ART1: variants seen among roughly 807,000 people sequenced by gnomAD.
ART1 encodes the protein ADP-ribosyltransferase 1.
A neutral mutation model predicts 27.0 loss-of-function variants in ART1; 29 were observed. The ratio of observed to expected loss-of-function variants is 1.08; its 90% confidence interval spans 0.80 to 1.47. The LOEUF (loss-of-function observed/expected upper bound fraction) is 1.47, where lower values mean the gene tolerates loss of function less well. Ranked by LOEUF, ART1 falls within the 40% of genes most tolerant of loss-of-function variation. The probability of loss-of-function intolerance (pLI) is 0.00; values close to 1 mark genes in which losing one functional copy is unlikely to be tolerated. For missense variants in ART1, 480 were observed against 423.0 expected (o/e 1.13, Z -1.18); for synonymous variants, 201 against 172.2 (o/e 1.17, Z -1.31).
chr11:3,655,781 G>T (rs2077569740), intron 1 of ART1: 1 of 152,108 alleles, frequency 6.6e-6, no homozygotes, highest in South Asian at 2.1e-4. Flanking sequence ...CCAGTCCTGG[G>T]GCATGTGTTC....
intron 1 of ART1, among the ~76,000 whole-genome samples, chr11:3,649,131 C>T (rs1405994717): frequency 2.6e-5 from 4 of 152,118 alleles, no homozygotes; most frequent in African/African-American, 7.2e-5. Context: ...TCTCTACTCT[C>T]TCTTTTCTCT....
chr11:3,653,117 C>A (rs2077539226), intron 1 of ART1, among the ~76,000 whole-genome samples: 1 of 148,298 alleles, frequency 6.7e-6, no homozygotes, highest in Admixed American at 6.6e-5. Context: ...TCAAAGCAGC[C>A]CTGAGAAACA....
At chr11:3,658,771 T>C (rs2077594069) in intron 1 of ART1, among the ~76,000 whole-genome samples, 1 of 152,166 alleles carries the variant, frequency 6.6e-6, no homozygotes, top group Admixed American at 6.6e-5. Context: ...TGTCAAGTCC[T>C]TTCATGACTG....
chr11:3,648,269 A>G (rs560456407), intron 1 of ART1, among the ~76,000 whole-genome samples: 39 of 152,270 alleles, frequency 2.6e-4, no homozygotes, highest in African/African-American at 8.7e-4. Flanking sequence ...TGCTCACACA[A>G]AGCCTGTTTG....
chr11:3,656,631 C>T (rs553321944), intron 1 of ART1, among the ~76,000 whole-genome samples: 39 of 152,240 alleles, frequency 2.6e-4, no homozygotes, highest in Middle Eastern at 6.8e-3. Context: ...ATCCGCCCAC[C>T]TCAGCCTCCC....
rs1324116960 is a variant in ART1 at position 3,664,179 on chromosome 11, G to C, written c.974G>C (p.Gly325Ala). ...GTGAGGGCCTTTCCAGATGGTCCAG[G>C]CCTCCTTTGATGCATGAGACACGGG... is the stretch of plus-strand genomic sequence containing the variant. ...LVVRAFPDGP[G>A]LL is the part of the protein sequence containing the mutation. The change falls in exon 5 of 5, where the codon GGC becomes GCC. Residue 325 changes from glycine to alanine, a missense_variant. By Grantham distance (60) the Gly-to-Ala change is moderately conservative (BLOSUM62 0). Transcript: ENST00000250693. The C allele has an allele frequency of 6.2e-7, 1 of 1,613,732 alleles. No homozygotes were observed. Among genetic ancestry groups the C allele is most frequent in the South Asian group, 1.1e-5 (1 of 91,072 alleles).
intron 1 of ART1, among the ~76,000 whole-genome samples, chr11:3,645,974 G>A (rs1434729168): frequency 7.9e-5 from 12 of 152,160 alleles, no homozygotes; most frequent in Non-Finnish European, 7.4e-5. Context: ...GGAGTGGCAG[G>A]TGCGAGCCTG....
At position 3,646,068 on chromosome 11, in the gene ART1, T is replaced by G. The variant is rs553828508; in HGVS notation, c.-53+889T>G. ...ATGTTTTGTTTGTTTGTTTTGTTTTTTTTTTCTAGATGTGTTTGTATCTCT... is the reference window on the plus strand; with the variant it reads ...ATGTTTTGTTTGTTTGTTTTGTTTTGTTTTTCTAGATGTGTTTGTATCTCT... On this transcript the variant is annotated intron_variant, in intron 1 of 4. Coordinates refer to ENST00000250693, the MANE Select transcript of ART1 (RefSeq NM_004314.3). Among the ~76,000 whole-genome samples, 504 of 152,176 alleles carry G rather than the reference T, an allele frequency of 3.3e-3. 3 individuals are homozygous for G. The highest frequency in any genetic ancestry group is 0.011 in the African/African-American group (437 of 41,528).
At position 3,661,422 on chromosome 11, in the gene ART1, T is replaced by G; in HGVS notation, c.886+9T>G. 6.2e-7 allele frequency: 1 copy of G among 1,608,200 alleles called. No homozygotes were observed. The highest frequency in any genetic ancestry group is 8.5e-7 in the Non-Finnish European group (1 of 1,177,574). On this transcript the variant is annotated intron_variant, in intron 4 of 4. Coordinates refer to ENST00000250693, the MANE Select transcript of ART1 (RefSeq NM_004314.3). ...CCATCTGGATAATTCAGGTAAGGGC[T>G]GCAGGCACCTGTGGGACTCAGTTCA...
At chr11:3,651,190 A>C (rs2077519254) in intron 1 of ART1, among the ~76,000 whole-genome samples, 1 of 143,994 alleles carries the variant, frequency 6.9e-6, no homozygotes, top group Non-Finnish European at 1.5e-5. Flanking sequence ...TGGGTCTCAA[A>C]CATGCTTTCT....
chr11:3,648,736 C>T (rs2077489569), intron 1 of ART1, among the ~76,000 whole-genome samples: 1 of 152,210 alleles, frequency 6.6e-6, no homozygotes, highest in Non-Finnish European at 1.5e-5. Flanking sequence ...GCAGGGACGC[C>T]TGCCTTGGTC....
At chr11:3,653,730 T>A (rs1207512738) in intron 1 of ART1, among the ~76,000 whole-genome samples, 1 of 152,106 alleles carries the variant, frequency 6.6e-6, no homozygotes, top group Non-Finnish European at 1.5e-5. Flanking sequence ...CCTTGATTTT[T>A]CCCTCTCTCA....
chr11:3,656,345 T>A (rs1010302147), intron 1 of ART1, among the ~76,000 whole-genome samples: 9 of 148,924 alleles, frequency 6.0e-5, no homozygotes, highest in African/African-American at 9.9e-5. Flanking sequence ...CCACCACACC[T>A]GTAGCCTGGC....
chr11:3,661,049 G>A (rs1475902039), intron 3 of ART1, among the ~76,000 whole-genome samples: 2 of 152,318 alleles, frequency 1.3e-5, no homozygotes, highest in East Asian at 1.9e-4. Flanking sequence ...AGGTAAGGAG[G>A]GCATGCAAAG....
At chr11:3,663,884 C>G (rs778218961) in intron 4 of ART1, 67 of 543,968 alleles carry the variant, frequency 1.2e-4, no homozygotes, top group Non-Finnish European at 2.1e-4. Flanking sequence ...TTAATAAGTT[C>G]TGATAACCCA....
rs147128076 is a variant in ART1 at position 3,649,758 on chromosome 11, C to T, written c.-53+4579C>T. ...TTAAAAAGGTGGCTGAAGCTAAAGG[C>T]GTAGTCAAGGTTAATGCTCCTTTTT... On this transcript the variant is annotated intron_variant, in intron 1 of 4. Transcript: ENST00000250693. Among the ~76,000 whole-genome samples the T allele has an allele frequency of 8.1e-4, 123 of 152,288 alleles. No individual in the cohort carries two copies. The East Asian group carries it at 0.017, about 21-fold the overall frequency.
chr11:3,647,842 A>G (rs75818496), intron 1 of ART1, among the ~76,000 whole-genome samples: 5,080 of 152,144 alleles, frequency 0.033, 128 homozygotes, highest in South Asian at 0.13. Context: ...CTGAAAAAAA[A>G]AAAAGTAAAG....
At chr11:3,659,343 G>A (rs191583760) in intron 2 of ART1, 67 bp downstream of exon 2, 1 of 1,599,578 alleles carries the variant, frequency 6.3e-7, no homozygotes, top group Non-Finnish European at 8.6e-7. Context: ...CTGAACCCTG[G>A]AGGGAGAAAG....
chr11:3,652,993 C>A (rs536638635), intron 1 of ART1, among the ~76,000 whole-genome samples: 5 of 148,112 alleles, frequency 3.4e-5, no homozygotes, highest in Non-Finnish European at 2.9e-5. Flanking sequence ...CAGGCCATCA[C>A]CAATAATTCT....
Sources: gnomAD v4.1 joint callset for allele counts (sites outside exome capture counted in the v4.1 genomes callset) on GRCh38, gnomAD v4.1.1 for gene constraint, MANE v1.5 for transcripts, NCBI Gene and HGNC (gene_info 2026-07-23, HGNC 2026-07-21) for gene names.